TLR3: variants seen among roughly 807,000 people sequenced by gnomAD.
TLR3 encodes the protein toll-like receptor 3.
A neutral mutation model predicts 66.4 loss-of-function variants in TLR3; 43 were observed. The observed-to-expected ratio is 0.65, with a 90% confidence interval of 0.51 to 0.83. The LOEUF (loss-of-function observed/expected upper bound fraction) is 0.83, where lower values mean the gene tolerates loss of function less well. Ranked by LOEUF, TLR3 falls within the 40% of genes least tolerant of loss-of-function variation. The pLI is 0.00. For missense variants in TLR3, 982 were observed against 1,044.6 expected, an observed-to-expected ratio of 0.94 and a Z score of 0.83; for synonymous variants, 397 against 397.2, an observed-to-expected ratio of 1.00 and a Z score of 0.01.
At chr4:186,080,223 A>G (rs1384355634) in intron 3 of TLR3, among the ~76,000 whole-genome samples, 5 of 152,066 alleles carry the variant, frequency 3.3e-5, no homozygotes, top group African/African-American at 1.2e-4. Context: ...ATGGCGTACA[A>G]ATTTATCCTA....
rs1238213281 is a variant in TLR3, at chr4:186,087,937, T to C, written c.*3064T>C. On this transcript the variant is annotated 3_prime_UTR_variant, in exon 5 of 5. Coordinates refer to ENST00000296795, the MANE Select transcript of TLR3 (RefSeq NM_003265.3). ...TTTGGGTGATGAAAGTGCTCTATAA[T>C]TGGGTTATGGTAATAATTGTACAAC... 1 of 152,150 alleles carries C rather than the reference T, an allele frequency of 6.6e-6. No individual in the cohort carries two copies. Among genetic ancestry groups the C allele is most frequent in the Non-Finnish European group, 1.5e-5 (1 of 68,034 alleles). The allele number at this position is 152,150 out of a possible 1,614,324, so 9.4% of individuals were successfully genotyped here.
At chr4:186,075,893 C>T (rs563756014) in intron 1 of TLR3, among the ~76,000 whole-genome samples, 10 of 152,126 alleles carry the variant, frequency 6.6e-5, no homozygotes, top group South Asian at 4.2e-4. Flanking sequence ...CGGTGGCTCA[C>T]GCCTGTAATC....
chr4:186,078,153 C>A (rs1249563893), intron 2 of TLR3, among the ~76,000 whole-genome samples: 1 of 152,122 alleles, frequency 6.6e-6, no homozygotes, highest in African/African-American at 2.4e-5. Flanking sequence ...AATTAAAAAA[C>A]CTGCTTCTCG....
Position 186,082,451 on chromosome 4 carries a change from G to A in TLR3, c.765G>A (p.Leu255=), listed in dbSNP as rs948943852. 7.4e-6 allele frequency: 12 copies of A among 1,613,964 alleles called. No homozygotes were observed. The highest frequency in any genetic ancestry group is 1.0e-5 in the Non-Finnish European group (12 of 1,180,040). ...LANTSIRNLS[L]SNSQLSTTSN... is the part of the protein sequence containing the mutation. ...ACACAAGCATTCGGAATCTGTCTCTGAGTAACAGCCAGCTGTCCACCACCA... is the reference window on the plus strand; with the variant it reads ...ACACAAGCATTCGGAATCTGTCTCTAAGTAACAGCCAGCTGTCCACCACCA... Residue 255 remains leucine (L), a synonymous_variant, in exon 4 of 5, where the codon CTG becomes CTA. Transcript: ENST00000296795.
At chr4:186,078,636 T>C (rs2099302864) in intron 2 of TLR3, among the ~76,000 whole-genome samples, 1 of 152,188 alleles carries the variant, frequency 6.6e-6, no homozygotes, top group Admixed American at 6.5e-5. Flanking sequence ...CTACAATGGT[T>C]GCAAGGGTGA....
At chr4:186,081,658 A>C (rs1269731351) in intron 3 of TLR3, 1 of 152,264 alleles carries the variant, frequency 6.6e-6, no homozygotes, top group Non-Finnish European at 1.5e-5. Context: ...CTTCACGAGC[A>C]GTTTATTCAT....
intron 2 of TLR3, 88 bp from the exon 3 acceptor site, chr4:186,078,752 T>C: frequency 9.3e-7 from 1 of 1,072,746 alleles, no homozygotes; most frequent in Admixed American, 2.0e-5. Flanking sequence ...GATTTTGCTG[T>C]TGAAGTATTT....
In TLR3 at chr4:186,083,930, C is replaced by T; in HGVS notation, c.2244C>T (p.Asp748=). 6.2e-7 allele frequency: 1 copy of T among 1,613,960 alleles called. No homozygotes were observed. Among genetic ancestry groups the T allele is most frequent in the Non-Finnish European group, 8.5e-7 (1 of 1,179,936 alleles). Residue 748 remains aspartate (D), a synonymous_variant, in exon 4 of 5, where the codon GAC becomes GAT. Coordinates refer to ENST00000296795, the MANE Select transcript of TLR3 (RefSeq NM_003265.3). The surrounding 1 kb of genome is among the most constrained non-coding windows in gnomAD (Gnocchi z 4.0). ...VHRVLGFKEI[D]RQTEQFEYAA... ...GAGTTCTTGGTTTCAAAGAAATAGACAGACAGACAGAACAGTTTGAATATG... is the reference window on the plus strand; with the variant it reads ...GAGTTCTTGGTTTCAAAGAAATAGATAGACAGACAGAACAGTTTGAATATG...
At position 186,086,071 on chromosome 4, in the gene TLR3, C is replaced by G. The variant is rs2099304307; in HGVS notation, c.*1198C>G. ...TAGAGATGGGGTTTCACCATGTTGG[C>G]CAGGCTGGTCTTGAACTCCTGACCT... On this transcript the variant is annotated 3_prime_UTR_variant, in exon 5 of 5. Coordinates refer to ENST00000296795, the MANE Select transcript of TLR3 (RefSeq NM_003265.3). 6.6e-6 allele frequency: 1 copy of G among 152,148 alleles called. No individual in the cohort carries two copies. Among genetic ancestry groups the G allele is most frequent in the Admixed American group, 6.6e-5 (1 of 15,262 alleles). 9.4% of individuals were successfully genotyped at this position (152,148 alleles called of 1,614,324 possible). A position where few individuals can be genotyped will look rare whatever the true frequency, so the allele number is the denominator to read the frequency against.
At chr4:186,072,623 A>AAAC (rs1171834210) in intron 1 of TLR3, among the ~76,000 whole-genome samples, 3 of 152,116 alleles carry the variant, frequency 2.0e-5, no homozygotes, top group Non-Finnish European at 4.4e-5. Context: ...ACACACTTTT[A>AAAC]AACGACCGAA....
rs913153674 is a variant in TLR3, at chr4:186,086,274, A to G, written c.*1401A>G. The G allele has an allele frequency of 6.6e-6, 1 of 152,250 alleles. No homozygotes were observed. Among genetic ancestry groups the G allele is most frequent in the African/African-American group, 2.4e-5 (1 of 41,472 alleles). 9.4% of individuals were successfully genotyped at this position (152,250 alleles called of 1,614,324 possible). On this transcript the variant is annotated 3_prime_UTR_variant, in exon 5 of 5. Coordinates refer to ENST00000296795, the MANE Select transcript of TLR3 (RefSeq NM_003265.3). ...TTTTTGAAATATTTATAGTTCTAGT[A>G]TTTAAAGAGAAACCTGAAATTATAA... is the stretch of plus-strand genomic sequence containing the variant.
intron 1 of TLR3, among the ~76,000 whole-genome samples, chr4:186,073,055 CTTG>C (rs987730741): frequency 6.6e-6 from 1 of 152,182 alleles, no homozygotes; most frequent in African/African-American, 2.4e-5. Context: ...AACTTCAAGA[CTTG>C]TTGTAAAGCT....
chr4:186,083,850 C>G lies in TLR3; in HGVS notation c.2164C>G (p.Leu722Val), dbSNP rs1028373125. The part of the protein sequence containing the change: ...ILLIFIFIVL[L>V]IHFEGWRISF... ...GTTGATTTTTATCTTTATTGTACTT[C>G]TCATCCACTTTGAGGGCTGGAGGAT... Residue 722 changes from leucine to valine, a missense_variant, in exon 4 of 5, where the codon CTC becomes GTC. Physicochemically the swap from Leu to Val is conservative, Grantham distance 32 (BLOSUM62 1). Coordinates refer to ENST00000296795, the MANE Select transcript of TLR3 (RefSeq NM_003265.3). This position sits in a 1 kb window ranked among gnomAD's most constrained non-coding sequence, Gnocchi z 4.0. The G allele has an allele frequency of 2.8e-5, 45 of 1,613,974 alleles. No individual in the cohort carries two copies. Among genetic ancestry groups the G allele is most frequent in the Non-Finnish European group, 3.7e-5 (44 of 1,180,020 alleles).
rs113654222 is a variant in TLR3 at position 186,082,310 on chromosome 4, C to A, written c.634-10C>A. On this transcript the variant is annotated splice_polypyrimidine_tract_variant and intron_variant, in intron 3 of 4. Coordinates refer to ENST00000296795, the MANE Select transcript of TLR3 (RefSeq NM_003265.3). ...TTGATTGTTAACCTCTTTTTTTTTC[C>A]TACCTTTAGTTTTCTCCAGGGTGTT... 3.2e-3 allele frequency: 4,668 copies of A among 1,476,906 alleles called. 14 individuals are homozygous for A. Among genetic ancestry groups the A allele is most frequent in the Middle Eastern group, 9.1e-3 (50 of 5,466 alleles). The allele number at this position is 1,476,906 out of a possible 1,614,324, so 91.5% of individuals were successfully genotyped here.
At position 186,078,870 on chromosome 4, in the gene TLR3, G is replaced by A. The variant is rs753535550; in HGVS notation, c.472G>A (p.Gly158Ser). ...AATCACATTAGATCTGTCTCATAAT[G>A]GCTTGTCATCTACAAAATTAGGAAC... ...NLITLDLSHN[G>S]LSSTKLGTQV... Residue 158 changes from glycine to serine, a missense_variant, in exon 3 of 5, where the codon GGC (glycine) becomes AGC (serine). Gly to Ser is a moderately conservative substitution (Grantham distance 56). Around this residue, in one of 3 missense-constraint regions of TLR3, gnomAD observed 313 missense variants for 319.0 expected, o/e 0.98. Transcript: ENST00000296795. 3.1e-6 allele frequency: 5 copies of A among 1,613,864 alleles called. No individual in the cohort carries two copies. The highest frequency in any genetic ancestry group is 2.5e-6 in the Non-Finnish European group (3 of 1,179,942).
In TLR3 at chr4:186,084,642, T is replaced by G; in HGVS notation, c.2487-3T>G. The G allele has an allele frequency of 6.3e-7, 1 of 1,596,420 alleles. No individual in the cohort carries two copies. Among genetic ancestry groups the G allele is most frequent in the Non-Finnish European group, 8.6e-7 (1 of 1,164,262 alleles). On this transcript the variant is annotated splice_polypyrimidine_tract_variant and splice_region_variant and intron_variant, in intron 4 of 4. Coordinates refer to ENST00000296795, the MANE Select transcript of TLR3 (RefSeq NM_003265.3). ...TAATTCTTCAATACATTTTTTTACTTAGATTCAAGGTACATCATGCAGTTC... is the reference window on the plus strand; with the variant it reads ...TAATTCTTCAATACATTTTTTTACTGAGATTCAAGGTACATCATGCAGTTC...
Position 186,083,124 on chromosome 4 carries a change from C to T in TLR3, c.1438C>T (p.Pro480Ser), listed in dbSNP as rs764701077. 255 of 1,614,180 alleles carry T rather than the reference C, an allele frequency of 1.6e-4. No homozygotes were observed. The highest frequency in any genetic ancestry group is 4.9e-4 in the East Asian group (22 of 44,892). ...QLTRNSFALVPSLQRLMLRRV... is the reference protein window; with the variant it reads ...QLTRNSFALVSSLQRLMLRRV... Reference sequence around the variant, plus strand: ...GACTAGGAACTCCTTTGCCTTGGTCCCAAGCCTTCAACGACTGATGCTCCG... The same window carrying T: ...GACTAGGAACTCCTTTGCCTTGGTCTCAAGCCTTCAACGACTGATGCTCCG... Residue 480 changes from proline (P) to serine (S), a missense_variant, in exon 4 of 5, where the codon CCA (proline) becomes TCA (serine). Around this residue, in one of 3 missense-constraint regions of TLR3, gnomAD observed 666 missense variants for 709.0 expected, o/e 0.94. Transcript: ENST00000296795. This position sits in a 1 kb window ranked among gnomAD's most constrained non-coding sequence, Gnocchi z 4.0.
intron 1 of TLR3, among the ~76,000 whole-genome samples, 171 bp downstream of exon 1, chr4:186,069,419 A>C (rs1345742669): frequency 6.6e-6 from 1 of 152,198 alleles, no homozygotes; most frequent in African/African-American, 2.4e-5. Flanking sequence ...GGGATATGAT[A>C]TGGGCATGGG....
chr4:186,071,371 G>A (rs924113005), intron 1 of TLR3, among the ~76,000 whole-genome samples: 1 of 152,216 alleles, frequency 6.6e-6, no homozygotes, highest in Non-Finnish European at 1.5e-5. Context: ...CCTAAGCAAG[G>A]AGAATGTATT....
Sources: allele counts gnomAD v4.1 joint callset (sites outside exome capture counted in the v4.1 genomes callset), GRCh38; gene constraint gnomAD v4.1.1; regional missense constraint gnomAD v4.1.1; non-coding constraint Gnocchi (gnomAD v3.1); transcripts MANE v1.5; gene names NCBI Gene and HGNC (gene_info 2026-07-23, HGNC 2026-07-21).